Variants in TNRC6B observed in about 807,000 individuals in gnomAD.
TNRC6B encodes trinucleotide repeat-containing gene 6B protein.
In TNRC6B, 52 loss-of-function variants were observed where a neutral mutation model predicts 203.6. The observed-to-expected ratio is 0.26, with a 90% CI of 0.20 to 0.32. TNRC6B has a LOEUF of 0.32. TNRC6B is among the 10% of genes least tolerant of loss of function. TNRC6B has a pLI of 1.00. For synonymous variants in TNRC6B, 838 were observed against 845.7 expected (o/e 0.99, Z 0.16); for missense variants, 1,923 against 2,286.2 (o/e 0.84, Z 3.24).
chr22:40,183,706 T>TG (rs2069165644), intron 1 of TNRC6B, among the ~76,000 whole-genome samples: 1 of 152,248 alleles, frequency 6.6e-6, no homozygotes, highest in Admixed American at 6.5e-5. Context: ...GTTTTTTTTT[T>TG]TTTAATATGA....
chr22:40,121,355 G>A (rs2146320995), intron 2 of TNRC6B, among the ~76,000 whole-genome samples: 1 of 152,150 alleles, frequency 6.6e-6, no homozygotes, highest in Non-Finnish European at 1.5e-5. Context: ...CACTGGTTTT[G>A]TAATGCATGT....
At chr22:40,111,964 G>C (rs531707595) in intron 1 of TNRC6B, among the ~76,000 whole-genome samples, 1 of 152,144 alleles carries the variant, frequency 6.6e-6, no homozygotes, top group Non-Finnish European at 1.5e-5. Flanking sequence ...AGCTGAGTGC[G>C]GTGGCAGGCG....
chr22:40,226,998 C>T (rs1363359202), intron 1 of TNRC6B, among the ~76,000 whole-genome samples: 2 of 151,952 alleles, frequency 1.3e-5, no homozygotes, highest in Non-Finnish European at 1.5e-5. Flanking sequence ...CAGCCTCCAC[C>T]TCCTGGGTTC....
intron 1 of TNRC6B, among the ~76,000 whole-genome samples, chr22:40,232,459 G>A (rs1360557348): frequency 1.3e-5 from 2 of 152,124 alleles, no homozygotes; most frequent in Non-Finnish European, 2.9e-5. Flanking sequence ...GAAGTTTTAG[G>A]ACCAGGGAGT....
chr22:40,049,282 C>A (rs2067724893), intron 1 of TNRC6B, among the ~76,000 whole-genome samples: 1 of 151,806 alleles, frequency 6.6e-6, no homozygotes, highest in Non-Finnish European at 1.5e-5. Flanking sequence ...CCACCTCAGC[C>A]TCCCAAAGTG....
At chr22:40,258,103 C>T (rs866600288) in intron 3 of TNRC6B, among the ~76,000 whole-genome samples, 52 of 45,254 alleles carry the variant, frequency 1.1e-3, no homozygotes, top group African/African-American at 2.1e-3. Context: ...TTTTTTTTTA[C>T]CCCACAATGT....
chr22:40,075,157 T>TATATATATA (rs1491547107), intron 1 of TNRC6B, among the ~76,000 whole-genome samples: 44 of 34,468 alleles, frequency 1.3e-3, no homozygotes, highest in African/African-American at 1.5e-3. Context: ...TATATATATA[T>TATATATATA]TTTTTTTTTT....
chr22:40,120,757 T>G (rs188882211), intron 2 of TNRC6B, among the ~76,000 whole-genome samples: 7 of 152,222 alleles, frequency 4.6e-5, no homozygotes, highest in African/African-American at 1.4e-4. Flanking sequence ...GAGATCAAAA[T>G]TTCACGTTTA....
At chr22:40,281,020 C>G (rs990259861) in intron 10 of TNRC6B, 99 bp from the exon 11 acceptor site, 5 of 1,054,466 alleles carry the variant, frequency 4.7e-6, no homozygotes, top group Non-Finnish European at 6.7e-6. Flanking sequence ...TACACTCTAA[C>G]TTTGTTTATT....
intron 1 of TNRC6B, among the ~76,000 whole-genome samples, chr22:40,095,042 C>T (rs1272386475): frequency 2.0e-5 from 3 of 152,130 alleles, no homozygotes; most frequent in Admixed American, 6.5e-5. Context: ...AAGCTGCTAG[C>T]TAGAGTGTTG....
chr22:40,308,738 G>T, intron 16 of TNRC6B, 89 bp downstream of exon 16: 1 of 1,450,740 alleles, frequency 6.9e-7, no homozygotes, highest in Non-Finnish European at 9.3e-7. Context: ...ACAGAACTTG[G>T]TATTCATTTT....
At chr22:40,172,154 A>G (rs2069006571) in intron 4 of TNRC6B, among the ~76,000 whole-genome samples, 1 of 152,170 alleles carries the variant, frequency 6.6e-6, no homozygotes, top group Middle Eastern at 3.2e-3. Flanking sequence ...TTCTGGGATT[A>G]CAGGCATGAG....
intron 1 of TNRC6B, among the ~76,000 whole-genome samples, chr22:40,115,105 C>T (rs1045928123): frequency 6.6e-5 from 10 of 152,100 alleles, no homozygotes; most frequent in Admixed American, 2.0e-4. Flanking sequence ...TTTCCCCTCC[C>T]TTCTGAATAC....
intron 1 of TNRC6B, among the ~76,000 whole-genome samples, chr22:40,207,424 T>A (rs201063111): frequency 0.11 from 8,440 of 75,652 alleles, 367 homozygotes; most frequent in Non-Finnish European, 0.12. Flanking sequence ...AAAAAATATA[T>A]ATATATATAT....
At chr22:40,049,899 C>T (rs978343802) in intron 1 of TNRC6B, among the ~76,000 whole-genome samples, 1 of 152,186 alleles carries the variant, frequency 6.6e-6, no homozygotes, top group Non-Finnish European at 1.5e-5. Flanking sequence ...CCACCGCGCC[C>T]GGCTGGCATT....
chr22:40,235,342 A>G (rs1263766398), intron 1 of TNRC6B, among the ~76,000 whole-genome samples: 1 of 152,126 alleles, frequency 6.6e-6, no homozygotes, highest in Non-Finnish European at 1.5e-5. Context: ...GACGCCCAGC[A>G]CCACACCATG....
chr22:40,094,961 C>T (rs1051273499), intron 1 of TNRC6B, among the ~76,000 whole-genome samples: 1 of 151,982 alleles, frequency 6.6e-6, no homozygotes, highest in Non-Finnish European at 1.5e-5. Context: ...CAGTATGTCT[C>T]GGAGAGCATG....
chr22:40,195,340 TTA>T (rs2146398853), intron 1 of TNRC6B, among the ~76,000 whole-genome samples: 1 of 152,366 alleles, frequency 6.6e-6, no homozygotes, highest in South Asian at 2.1e-4. Flanking sequence ...AATTCTTAGA[TTA>T]ATTCCTGATC....
At chr22:40,191,232 T>C (rs1200119583) in intron 1 of TNRC6B, among the ~76,000 whole-genome samples, 2 of 152,154 alleles carry the variant, frequency 1.3e-5, no homozygotes, top group Admixed American at 1.3e-4. Flanking sequence ...TGCCATCTTG[T>C]GTGCCCCAGT....
Sources: allele counts gnomAD v4.1 joint callset (sites outside exome capture counted in the v4.1 genomes callset), GRCh38; gene constraint gnomAD v4.1.1; transcripts MANE v1.5; gene names NCBI Gene and HGNC (gene_info 2026-07-23, HGNC 2026-07-21).